FMN1: variants seen among roughly 807,000 people sequenced by gnomAD.
The protein encoded by FMN1 is formin 1.
Under a neutral mutation model 132.4 loss-of-function variants are expected in FMN1, and 110 were observed. The ratio of observed to expected loss-of-function variants is 0.83; its 90% confidence interval spans 0.71 to 0.97. The LOEUF (loss-of-function observed/expected upper bound fraction) is 0.97, where lower values mean the gene tolerates loss of function less well. Among genes scored for constraint, FMN1 ranks in the 50% least tolerant of loss-of-function variants. The probability of loss-of-function intolerance (pLI) is 0.00; values close to 1 mark genes in which losing one functional copy is unlikely to be tolerated. For missense variants in FMN1, 1,792 were observed against 1,705.3 expected (o/e 1.05, Z -0.90); for synonymous variants, 722 against 651.7 (o/e 1.11, Z -1.64).
intron 4 of FMN1, among the ~76,000 whole-genome samples, chr15:33,116,730 G>A (rs990561416): frequency 6.6e-5 from 10 of 150,498 alleles, no homozygotes; most frequent in African/African-American, 2.4e-4. Flanking sequence ...TATAAGATGC[G>A]AAAACAAATA....
At chr15:32,880,171 G>A (rs556737951) in intron 16 of FMN1, among the ~76,000 whole-genome samples, 9 of 151,532 alleles carry the variant, frequency 5.9e-5, no homozygotes, top group Non-Finnish European at 8.8e-5. Context: ...TTAGACTAGC[G>A]TTTGGTGTTG....
chr15:32,882,711 G>A (rs1366016828), intron 16 of FMN1, among the ~76,000 whole-genome samples: 1 of 152,048 alleles, frequency 6.6e-6, no homozygotes, highest in African/African-American at 2.4e-5. Flanking sequence ...TGTGTACCAT[G>A]CAATATTTGA....
chr15:33,021,068 G>T (rs2035393263), intron 6 of FMN1, among the ~76,000 whole-genome samples: 1 of 152,172 alleles, frequency 6.6e-6, no homozygotes, highest in African/African-American at 2.4e-5. Context: ...TGCATAGTTT[G>T]ACTTGCCTCC....
chr15:33,142,884 G>C (rs772917594), intron 4 of FMN1, among the ~76,000 whole-genome samples: 10 of 152,210 alleles, frequency 6.6e-5, no homozygotes, highest in Non-Finnish European at 1.2e-4. Flanking sequence ...CCTTGGTTCA[G>C]ACGTGCTGTC....
intron 4 of FMN1, among the ~76,000 whole-genome samples, chr15:33,091,214 T>TCA (rs1393841362): frequency 1.3e-5 from 2 of 152,186 alleles, no homozygotes; most frequent in South Asian, 4.1e-4. Flanking sequence ...TGTAAGTTCA[T>TCA]CATTTAGGTA....
At chr15:32,795,163 G>A (rs540165468) in intron 19 of FMN1, among the ~76,000 whole-genome samples, 1 of 152,324 alleles carries the variant, frequency 6.6e-6, no homozygotes, top group Non-Finnish European at 1.5e-5. Context: ...TTGCGTCATG[G>A]CACTCTAGCC....
Position 33,138,471 on chromosome 15 carries a change from G to A in FMN1, c.1867+14577C>T, listed in dbSNP as rs117710063. Among the ~76,000 whole-genome samples, 675 of 152,040 alleles carry A rather than the reference G, an allele frequency of 4.4e-3. 14 individuals carry two copies. In the South Asian group the frequency reaches 0.048, roughly 11 times the overall value. On this transcript the variant is annotated intron_variant, in intron 4 of 20. Coordinates refer to ENST00000616417, the MANE Select transcript of FMN1 (RefSeq NM_001277313.2). ...TCTCTCCCCAAGGACAGTCTGGCAC[G>A]TCCCTCAACGTTCCCAGCGAGATAC...
chr15:33,152,586 G>A (rs992333972), intron 4 of FMN1, among the ~76,000 whole-genome samples: 2 of 152,088 alleles, frequency 1.3e-5, no homozygotes, highest in African/African-American at 4.8e-5. Context: ...AGACATAAGT[G>A]AAGACACAGC....
chr15:33,075,147 ACCTGGAAACTGGT>A (rs2038158066), intron 5 of FMN1, among the ~76,000 whole-genome samples: 1 of 150,708 alleles, frequency 6.6e-6, no homozygotes, highest in African/African-American at 2.4e-5. Flanking sequence ...CAGCTCCCTC[ACCTGGAAACTGGT>A]AAGAACAGTA....
At chr15:32,962,436 C>G (rs573851618) in intron 9 of FMN1, among the ~76,000 whole-genome samples, 2,914 of 151,604 alleles carry the variant, frequency 0.019, 99 homozygotes, top group African/African-American at 0.067. Flanking sequence ...GCATGGGCAA[C>G]GACTTCATGT....
chr15:32,923,552 A>G (rs2060884539), intron 10 of FMN1, among the ~76,000 whole-genome samples: 1 of 152,242 alleles, frequency 6.6e-6, no homozygotes, highest in African/African-American at 2.4e-5. Context: ...AACGAACAAT[A>G]AAGTTCCCAC....
chr15:33,088,221 A>T (rs1017465639), intron 5 of FMN1, among the ~76,000 whole-genome samples: 10 of 152,174 alleles, frequency 6.6e-5, no homozygotes, highest in African/African-American at 2.2e-4. Context: ...AAAAAAATTT[A>T]AAAAATTTAA....
intron 17 of FMN1, among the ~76,000 whole-genome samples, chr15:32,829,640 C>T (rs1225810013): frequency 1.3e-5 from 2 of 152,102 alleles, no homozygotes; most frequent in South Asian, 2.1e-4. Context: ...TTCCAAGATA[C>T]CTTATTTGGT....
At chr15:32,914,320 G>T (rs750724669) in intron 10 of FMN1, among the ~76,000 whole-genome samples, 4 of 152,120 alleles carry the variant, frequency 2.6e-5, no homozygotes, top group Non-Finnish European at 4.4e-5. Flanking sequence ...ATGACAATTT[G>T]TAAGTATGCA....
rs1238686124 is a variant in FMN1 at position 33,152,798 on chromosome 15, A to AAAAAAAAAG, written c.1867+249_1867+250insCTTTTTTTT. On this transcript the variant is annotated intron_variant, in intron 4 of 20. Coordinates refer to ENST00000616417, the MANE Select transcript of FMN1 (RefSeq NM_001277313.2). ...AACTTTAGAGGATGCCAAAAAAAAA[A>AAAAAAAAAG]AAAAAGAAAGAAATAAAAGACATTC... 3.3e-5 allele frequency among the ~76,000 whole-genome samples: 5 copies of AAAAAAAAAG among 151,080 alleles called. No individual in the cohort carries two copies. The East Asian group carries it at 9.7e-4, about 29-fold the overall frequency.
chr15:32,900,186 G>C, intron 13 of FMN1, 61 bp from the exon 14 acceptor site: 1 of 1,568,716 alleles, frequency 6.4e-7, no homozygotes, highest in Non-Finnish European at 8.7e-7. Flanking sequence ...TGTTCATTCA[G>C]TAACAAATAT....
intron 20 of FMN1, among the ~76,000 whole-genome samples, chr15:32,776,148 C>CCT (rs1401455626): frequency 1.3e-5 from 2 of 152,194 alleles, no homozygotes; most frequent in Non-Finnish European, 2.9e-5. Flanking sequence ...GGTTTTACAA[C>CCT]TATTTAAGTG....
intron 7 of FMN1, among the ~76,000 whole-genome samples, chr15:32,980,132 G>C (rs1356028789): frequency 6.6e-6 from 1 of 152,110 alleles, no homozygotes; most frequent in Non-Finnish European, 1.5e-5. Context: ...AAGAAGCTAG[G>C]AGGGGAAGTG....
intron 9 of FMN1, among the ~76,000 whole-genome samples, chr15:32,950,891 C>T (rs374694761): frequency 1.3e-5 from 2 of 151,986 alleles, no homozygotes; most frequent in African/African-American, 2.4e-5. Context: ...GTTATTGACA[C>T]GATTCCTAAC....
Sources: gnomAD v4.1 joint callset for allele counts (sites outside exome capture counted in the v4.1 genomes callset) on GRCh38, gnomAD v4.1.1 for gene constraint, MANE v1.5 for transcripts, NCBI Gene and HGNC (gene_info 2026-07-23, HGNC 2026-07-21) for gene names.